Variants in TMED10 observed in about 807,000 individuals in gnomAD.
The protein encoded by TMED10 is transmembrane p24 trafficking protein 10.
A neutral mutation model predicts 23.1 loss-of-function variants in TMED10; 7 were observed. That is an observed-to-expected ratio of 0.30 (90% CI 0.17 to 0.57). The LOEUF (loss-of-function observed/expected upper bound fraction) is 0.57. Among genes scored for constraint, TMED10 ranks in the 20% least tolerant of loss-of-function variants. The pLI is 0.91. For synonymous variants in TMED10, 113 were observed against 106.9 expected (o/e 1.06, Z -0.35); for missense variants, 162 against 274.8 (o/e 0.59, Z 2.90).
At chr14:75,143,176 G>T (rs527794388) in intron 3 of TMED10, among the ~76,000 whole-genome samples, 61 of 152,022 alleles carry the variant, frequency 4.0e-4, no homozygotes, top group African/African-American at 1.5e-3. Flanking sequence ...ATTTTCATGA[G>T]GCCCGCCGCC....
intron 1 of TMED10, among the ~76,000 whole-genome samples, chr14:75,169,783 A>T (rs1017093723): frequency 6.6e-6 from 1 of 152,216 alleles, no homozygotes; most frequent in African/African-American, 2.4e-5. Flanking sequence ...CAGGGGTGGA[A>T]ATATGACCAA....
intron 1 of TMED10, among the ~76,000 whole-genome samples, chr14:75,159,455 TAAGTC>T (rs1896060940): frequency 6.6e-6 from 1 of 152,218 alleles, no homozygotes. Flanking sequence ...GGAAAGAGAC[TAAGTC>T]ATTGGCCTAG....
chr14:75,135,658 C>A (rs1895740305), intron 4 of TMED10, 102 bp downstream of exon 4: 1 of 1,508,008 alleles, frequency 6.6e-7, no homozygotes, highest in Non-Finnish European at 8.9e-7. Context: ...CCTCCATATA[C>A]CCACCTTGGC....
At chr14:75,145,260 C>T (rs767183414) in intron 3 of TMED10, among the ~76,000 whole-genome samples, 2 of 152,122 alleles carry the variant, frequency 1.3e-5, no homozygotes, top group Non-Finnish European at 2.9e-5. Context: ...TTTCTTTGGG[C>T]TAGGGATTCC....
intron 3 of TMED10, among the ~76,000 whole-genome samples, chr14:75,144,174 T>C (rs970949731): frequency 6.6e-6 from 1 of 152,178 alleles, no homozygotes; most frequent in Non-Finnish European, 1.5e-5. Context: ...GATAGCTCCT[T>C]CTTTGTCGGA....
At chr14:75,144,617 GAT>G (rs1895860761) in intron 3 of TMED10, among the ~76,000 whole-genome samples, 1 of 151,962 alleles carries the variant, frequency 6.6e-6, no homozygotes, top group East Asian at 1.9e-4. Context: ...TGAGTCCACA[GAT>G]ATGAGGGAGA....
chr14:75,173,486 G>A (rs1896261345), intron 1 of TMED10, among the ~76,000 whole-genome samples: 1 of 152,002 alleles, frequency 6.6e-6, no homozygotes, highest in African/African-American at 2.4e-5. Flanking sequence ...ACTAAGTATT[G>A]GTCACCCCTA....
chr14:75,163,632 G>A (rs1430245409), intron 1 of TMED10, among the ~76,000 whole-genome samples: 1 of 150,288 alleles, frequency 6.7e-6, no homozygotes, highest in East Asian at 1.9e-4. Flanking sequence ...ATACAACATA[G>A]TACTTTTAAG....
chr14:75,164,553 ATATATATATATATATATATATATATTTTT>A lies in TMED10; in HGVS notation c.225+11773_225+11801del, dbSNP rs1391235620. On this transcript the variant is annotated intron_variant, in intron 1 of 4. Transcript: ENST00000303575. ...GCCTAATATATATATATATATATAT[ATATATATATATATATATATATATATTTTT>A]TTTTTTTTTTTTGTATTTTTAGAAG... Among the ~76,000 whole-genome samples, 80 of 6,018 alleles carry A rather than the reference ATATATATATATATATATATATATATTTTT, an allele frequency of 0.013. 5 individuals carry two copies. In the South Asian group the frequency reaches 0.17, roughly 13 times the overall value. 3.9% of individuals were successfully genotyped at this position (6,018 alleles called of 152,430 possible).
chr14:75,147,801 A>ACCTG lies in TMED10; in HGVS notation c.338-65_338-64insCAGG, dbSNP rs1555356006. The ACCTG allele has an allele frequency of 2.4e-5, 30 of 1,265,044 alleles. No homozygotes were observed. In the African/African-American group the frequency reaches 5.0e-4, roughly 21 times the overall value. 78.4% of individuals were successfully genotyped at this position (1,265,044 alleles called of 1,614,324 possible). ...TAAAATTCTGGGAAATTACCCACCC[A>ACCTG]CCCGCCCGCCCTCCCTCTACAGAAC... On this transcript the variant is annotated intron_variant, in intron 2 of 4. Transcript: ENST00000303575.
chr14:75,163,295 G>A (rs1213879655), intron 1 of TMED10, among the ~76,000 whole-genome samples: 2 of 151,966 alleles, frequency 1.3e-5, no homozygotes, highest in Non-Finnish European at 2.9e-5. Flanking sequence ...GCTCACGCCT[G>A]TAATCCCAGC....
intron 4 of TMED10, 148 bp downstream of exon 4, chr14:75,135,612 C>A: frequency 9.0e-7 from 1 of 1,109,260 alleles, no homozygotes; most frequent in Non-Finnish European, 1.3e-6. Flanking sequence ...GGCTCATTTA[C>A]CTTTAGCAGC....
At chr14:75,136,243 C>T (rs1033625735) in intron 3 of TMED10, among the ~76,000 whole-genome samples, 2 of 152,042 alleles carry the variant, frequency 1.3e-5, no homozygotes, top group African/African-American at 2.4e-5. Context: ...ACTGCAGGCT[C>T]GACCTCCTGG....
At chr14:75,137,674 C>CA (rs758096473) in intron 3 of TMED10, among the ~76,000 whole-genome samples, 7 of 112,456 alleles carry the variant, frequency 6.2e-5, no homozygotes, top group African/African-American at 2.1e-4. Flanking sequence ...GACTCCATCT[C>CA]AAAAAAAAAA....
intron 1 of TMED10, 153 bp downstream of exon 1, chr14:75,176,202 G>C: frequency 1.1e-6 from 1 of 896,032 alleles, no homozygotes; most frequent in Non-Finnish European, 1.7e-6. Context: ...CAACCAGCGG[G>C]GTGAGGGGGC....
chr14:75,163,111 G>A (rs954213544), intron 1 of TMED10, among the ~76,000 whole-genome samples: 2 of 151,960 alleles, frequency 1.3e-5, no homozygotes, highest in Non-Finnish European at 2.9e-5. Context: ...GTGTGGTGGT[G>A]CATACCTGTG....
At position 75,135,821 on chromosome 14, in the gene TMED10, T is replaced by C; in HGVS notation, c.477A>G (p.Glu159=). The part of the protein sequence containing the change: ...VELRRLEDLS[E]SIVNDFAYMK... ...TGTAGGCAAAATCATTAACAATAGA[T>C]TCTGAAAGGTCTTCTAGGCGTCGCA... is the stretch of plus-strand genomic sequence containing the variant. Residue 159 remains glutamate, a synonymous_variant, in exon 4 of 5, where the codon GAA becomes GAG. Coordinates refer to ENST00000303575, the MANE Select transcript of TMED10 (RefSeq NM_006827.6). 4 of 1,614,176 alleles carry C rather than the reference T, an allele frequency of 2.5e-6. No individual in the cohort carries two copies. The highest frequency in any genetic ancestry group is 3.4e-6 in the Non-Finnish European group (4 of 1,180,030).
At chr14:75,156,988 C>T (rs756889166) in intron 1 of TMED10, among the ~76,000 whole-genome samples, 9 of 147,564 alleles carry the variant, frequency 6.1e-5, no homozygotes, top group Non-Finnish European at 1.1e-4. Context: ...CAAAACACAC[C>T]TATAGAACCA....
At chr14:75,142,396 T>C (rs1406627264) in intron 3 of TMED10, among the ~76,000 whole-genome samples, 1 of 152,156 alleles carries the variant, frequency 6.6e-6, no homozygotes, top group Admixed American at 6.5e-5. Flanking sequence ...CCCAGGGTGA[T>C]CACAGCATTT....
Sources: allele counts gnomAD v4.1 joint callset (sites outside exome capture counted in the v4.1 genomes callset), GRCh38; gene constraint gnomAD v4.1.1; transcripts MANE v1.5; gene names NCBI Gene and HGNC (gene_info 2026-07-23, HGNC 2026-07-21).